Variants in RABGAP1L observed in about 807,000 individuals in gnomAD.
The protein encoded by RABGAP1L is RAB GTPase activating protein 1 like.
A neutral mutation model predicts 137.7 loss-of-function variants in RABGAP1L; 63 were observed. The ratio of observed to expected loss-of-function variants is 0.46; its 90% confidence interval spans 0.37 to 0.56. The LOEUF (loss-of-function observed/expected upper bound fraction) is 0.56. Ranked by LOEUF, RABGAP1L falls within the 20% of genes least tolerant of loss-of-function variation. The pLI, the probability that RABGAP1L is intolerant of heterozygous loss-of-function variation, is 0.00. For missense variants in RABGAP1L, 1,095 were observed against 1,244.0 expected (o/e 0.88, Z 1.80); for synonymous variants, 431 against 433.7 (o/e 0.99, Z 0.08).
At position 174,304,926 on chromosome 1, in the gene RABGAP1L, T is replaced by C. The variant is rs902625010; in HGVS notation, c.1324-60T>C. 31 of 1,381,848 alleles carry C rather than the reference T, an allele frequency of 2.2e-5. No homozygotes were observed. The Middle Eastern group carries it at 5.6e-4, about 25-fold the overall frequency. 85.6% of individuals were successfully genotyped at this position (1,381,848 alleles called of 1,614,324 possible). On this transcript the variant is annotated intron_variant, in intron 10 of 25. Transcript: ENST00000681986. The stretch of plus-strand genomic sequence containing the variant: ...TCTTTTGAATGCATTATTTAAATAC[T>C]ATCTTTCAATGTTTCCTTCAGATTT...
chr1:174,191,842 A>G (rs1438747363), intron 1 of RABGAP1L, among the ~76,000 whole-genome samples: 1 of 152,242 alleles, frequency 6.6e-6, no homozygotes, highest in African/African-American at 2.4e-5. Context: ...CAGTCAGTGC[A>G]CAGGGAAATG....
intron 17 of RABGAP1L, among the ~76,000 whole-genome samples, chr1:174,748,243 G>C (rs756832386): frequency 8.5e-5 from 13 of 152,102 alleles, no homozygotes; most frequent in Non-Finnish European, 1.6e-4. Context: ...CTGTAAATTG[G>C]TCTAGTTGGG....
chr1:174,558,697 C>T lies in RABGAP1L; in HGVS notation c.1711-78678C>T, dbSNP rs576938336. On this transcript the variant is annotated intron_variant, in intron 13 of 25. Transcript: ENST00000681986. ...CTTACCCATAACATGCTAATTAATA[C>T]CTTATATATCTCATTCCTGATAATG... Among the ~76,000 whole-genome samples, 4 of 152,244 alleles carry T rather than the reference C, an allele frequency of 2.6e-5. No homozygotes were observed. The South Asian group carries it at 8.3e-4, about 32-fold the overall frequency.
intron 13 of RABGAP1L, among the ~76,000 whole-genome samples, chr1:174,581,825 T>C (rs1668772240): frequency 6.6e-6 from 1 of 151,990 alleles, no homozygotes; most frequent in Non-Finnish European, 1.5e-5. Context: ...GATTTGAGGG[T>C]CAATAATAAG....
intron 13 of RABGAP1L, among the ~76,000 whole-genome samples, chr1:174,447,699 T>C (rs1654923434): frequency 6.6e-6 from 1 of 152,158 alleles, no homozygotes; most frequent in African/African-American, 2.4e-5. Flanking sequence ...CACAGAAGCT[T>C]TTCTTCCTTT....
chr1:174,493,372 A>G (rs897453493), intron 13 of RABGAP1L, among the ~76,000 whole-genome samples: 1 of 151,334 alleles, frequency 6.6e-6, no homozygotes, highest in African/African-American at 2.4e-5. Context: ...AAGAAAATTT[A>G]TATCTAGAAT....
chr1:174,381,659 C>G (rs1377399371), intron 12 of RABGAP1L, among the ~76,000 whole-genome samples: 1 of 115,424 alleles, frequency 8.7e-6, no homozygotes, highest in Non-Finnish European at 1.7e-5. Context: ...TTCCTCCATC[C>G]TTTTATTTTG....
chr1:174,406,207 A>T (rs1240063104), intron 13 of RABGAP1L, among the ~76,000 whole-genome samples: 1 of 152,124 alleles, frequency 6.6e-6, no homozygotes, highest in East Asian at 1.9e-4. Context: ...AACTGTAATT[A>T]TATGTGAATT....
chr1:174,195,728 T>C (rs932566866), intron 1 of RABGAP1L, among the ~76,000 whole-genome samples: 7 of 102,510 alleles, frequency 6.8e-5, no homozygotes, highest in Admixed American at 2.0e-4. Flanking sequence ...TTTCTTTTCT[T>C]TCTTTTCTTT....
Position 174,761,764 on chromosome 1 carries a change from C to T in RABGAP1L, c.2211+9410C>T, listed in dbSNP as rs567226995. 3.9e-5 allele frequency among the ~76,000 whole-genome samples: 6 copies of T among 152,310 alleles called. No individual in the cohort carries two copies. The East Asian group carries it at 1.2e-3, about 29-fold the overall frequency. On this transcript the variant is annotated intron_variant, in intron 18 of 25. Coordinates refer to ENST00000681986, the MANE Select transcript of RABGAP1L (RefSeq NM_001366446.1). The surrounding 1 kb of genome is among the most constrained non-coding windows in gnomAD (Gnocchi z 4.0). ...GGAGAACAGCATGGGAAAGACCCAC[C>T]ACCATGATTCAATTACATTCCACCA...
At chr1:174,609,003 C>T (rs996276092) in intron 13 of RABGAP1L, among the ~76,000 whole-genome samples, 5 of 152,022 alleles carry the variant, frequency 3.3e-5, no homozygotes, top group Non-Finnish European at 5.9e-5. Context: ...AACACTTATA[C>T]CGAATTACCT....
rs182330787 is a variant in RABGAP1L at position 174,649,811 on chromosome 1, T to G, written c.1824+12323T>G. On this transcript the variant is annotated intron_variant, in intron 14 of 25. Coordinates refer to ENST00000681986, the MANE Select transcript of RABGAP1L (RefSeq NM_001366446.1). ...CAATTTGACTTCCTCTTTTCCTAAC[T>G]GAATACCCTTTATTTCCTTCTCCTG... Among the ~76,000 whole-genome samples the G allele has an allele frequency of 1.2e-3, 187 of 152,292 alleles. 2 individuals are homozygous for G. The highest frequency in any genetic ancestry group is 4.4e-3 in the African/African-American group (182 of 41,550).
chr1:174,469,107 A>G (rs1481015052), intron 13 of RABGAP1L, among the ~76,000 whole-genome samples: 1 of 152,168 alleles, frequency 6.6e-6, no homozygotes, highest in Non-Finnish European at 1.5e-5. Context: ...ATGTCTTTTT[A>G]TCTATTAATA....
chr1:174,433,480 C>T (rs79728530), intron 13 of RABGAP1L, among the ~76,000 whole-genome samples: 12,147 of 152,148 alleles, frequency 0.08, 665 homozygotes, highest in East Asian at 0.31. Context: ...TCTTTATGAT[C>T]GAGAAACATA....
At chr1:174,295,720 T>C (rs1677072935) in intron 10 of RABGAP1L, among the ~76,000 whole-genome samples, 1 of 150,790 alleles carries the variant, frequency 6.6e-6, no homozygotes, top group Non-Finnish European at 1.5e-5. Flanking sequence ...GGTCTCACTA[T>C]GTTGTCCAGT....
intron 19 of RABGAP1L, among the ~76,000 whole-genome samples, chr1:174,850,400 C>T (rs1035113759): frequency 6.6e-6 from 1 of 152,136 alleles, no homozygotes; most frequent in African/African-American, 2.4e-5. Context: ...AGTTATTATT[C>T]CCAGGGAACA....
At chr1:174,608,698 G>T (rs182857217) in intron 13 of RABGAP1L, among the ~76,000 whole-genome samples, 1 of 152,062 alleles carries the variant, frequency 6.6e-6, no homozygotes, top group Non-Finnish European at 1.5e-5. Context: ...TCTATTTGAG[G>T]GTAACGGGAC....
intron 11 of RABGAP1L, among the ~76,000 whole-genome samples, chr1:174,343,149 G>A (rs1002813488): frequency 2.6e-5 from 4 of 152,096 alleles, no homozygotes; most frequent in African/African-American, 9.7e-5. Flanking sequence ...TACATTAAAC[G>A]ATTTCTCCCT....
intron 1 of RABGAP1L, among the ~76,000 whole-genome samples, chr1:174,191,796 C>A (rs926298460): frequency 6.6e-6 from 1 of 152,164 alleles, no homozygotes; most frequent in Non-Finnish European, 1.5e-5. Flanking sequence ...TAAGCTGAGA[C>A]ATTCCTGGAA....
Sources: allele counts gnomAD v4.1 joint callset (sites outside exome capture counted in the v4.1 genomes callset), GRCh38; gene constraint gnomAD v4.1.1; non-coding constraint Gnocchi (gnomAD v3.1); transcripts MANE v1.5; gene names NCBI Gene and HGNC (gene_info 2026-07-23, HGNC 2026-07-21).